STK32B: variants seen among roughly 807,000 people sequenced by gnomAD.
The protein encoded by STK32B is serine/threonine-protein kinase 32B.
Under a neutral mutation model 52.6 loss-of-function variants are expected in STK32B, and 43 were observed. The observed-to-expected ratio is 0.82, with a 90% confidence interval of 0.64 to 1.05. The LOEUF (loss-of-function observed/expected upper bound fraction) is 1.05, where lower values mean the gene tolerates loss of function less well. Ranked by LOEUF, STK32B falls within the 50% of genes least tolerant of loss-of-function variation. STK32B has a pLI of 0.00. For missense variants in STK32B, 621 were observed against 534.6 expected, an observed-to-expected ratio of 1.16 and a Z score of -1.59; for synonymous variants, 238 against 204.3, an observed-to-expected ratio of 1.17 and a Z score of -1.41.
intron 3 of STK32B, among the ~76,000 whole-genome samples, chr4:5,276,504 T>C (rs945488164): frequency 6.6e-6 from 1 of 152,246 alleles, no homozygotes; most frequent in Non-Finnish European, 1.5e-5. Flanking sequence ...GTGTCTCTTA[T>C]GTCAAATCCT....
rs1736291036 is a variant in STK32B at position 5,386,907 on chromosome 4, G to A, written c.435-11300G>A. 6.6e-6 allele frequency among the ~76,000 whole-genome samples: 1 copy of A among 152,218 alleles called. No individual in the cohort carries two copies. Among genetic ancestry groups the A allele is most frequent in the Admixed American group, 6.5e-5 (1 of 15,286 alleles). On this transcript the variant is annotated intron_variant, in intron 4 of 11. Coordinates refer to ENST00000282908, the MANE Select transcript of STK32B (RefSeq NM_018401.3). This position sits in a 1 kb window ranked among gnomAD's most constrained non-coding sequence, Gnocchi z 4.5. The stretch of plus-strand genomic sequence containing the variant: ...TCAGAAAGCTGGATGAGGAACATGA[G>A]GCCGTGGCCTGAGCGTCTTCACAGA...
intron 5 of STK32B, among the ~76,000 whole-genome samples, chr4:5,415,495 C>T (rs195103): frequency 0.81 from 123,380 of 152,186 alleles, 50,264 homozygotes; most frequent in Middle Eastern, 0.9. Flanking sequence ...ACATACTCAT[C>T]GCAGCCACAG....
At chr4:5,234,195 G>A (rs1033788620) in intron 3 of STK32B, among the ~76,000 whole-genome samples, 3 of 152,114 alleles carry the variant, frequency 2.0e-5, no homozygotes, top group Non-Finnish European at 2.9e-5. Context: ...ACAAGTGGCC[G>A]CTCTTTTGAA....
At position 5,264,380 on chromosome 4, in the gene STK32B, C is replaced by T. The variant is rs373848073; in HGVS notation, c.261-66840C>T. 5.9e-5 allele frequency among the ~76,000 whole-genome samples: 9 copies of T among 152,090 alleles called. No homozygotes were observed. In the East Asian group the frequency reaches 1.2e-3, roughly 20 times the overall value. On this transcript the variant is annotated intron_variant, in intron 3 of 11. Coordinates refer to ENST00000282908, the MANE Select transcript of STK32B (RefSeq NM_018401.3). ...CTTTGTGGTTTTAATTTCCTTTTCT[C>T]CAGTGACTACTGATATTGGGCACTT...
chr4:5,127,250 G>A (rs1222841993), intron 1 of STK32B: 2 of 443,702 alleles, frequency 4.5e-6, no homozygotes, highest in African/African-American at 4.0e-5. Flanking sequence ...TCGTTGTGTG[G>A]AATGGATATT....
chr4:5,129,754 T>G (rs1473869740), intron 1 of STK32B, among the ~76,000 whole-genome samples: 1 of 152,184 alleles, frequency 6.6e-6, no homozygotes, highest in East Asian at 1.9e-4. Flanking sequence ...TCAATGACTA[T>G]GGTGAGATAC....
chr4:5,303,828 C>T (rs1199542670), intron 3 of STK32B, among the ~76,000 whole-genome samples: 1 of 152,060 alleles, frequency 6.6e-6, no homozygotes, highest in East Asian at 1.9e-4. Context: ...AGATTTAAGT[C>T]TTTTATCCAT....
chr4:5,476,456 C>G (rs1293787088), intron 11 of STK32B, among the ~76,000 whole-genome samples: 1 of 152,126 alleles, frequency 6.6e-6, no homozygotes, highest in Non-Finnish European at 1.5e-5. Flanking sequence ...AATACAAACA[C>G]TGAGGTGTTC....
At chr4:5,484,525 G>C (rs7437778) in intron 11 of STK32B, among the ~76,000 whole-genome samples, 8,380 of 152,038 alleles carry the variant, frequency 0.055, 281 homozygotes, top group African/African-American at 0.097. Context: ...ACACGGATAG[G>C]TCTTGACTCT....
intron 6 of STK32B, among the ~76,000 whole-genome samples, chr4:5,419,513 CT>C (rs1712449525): frequency 1.3e-5 from 2 of 152,212 alleles, no homozygotes; most frequent in Non-Finnish European, 2.9e-5. Context: ...ACTGTACAAA[CT>C]CCTACCAGCT....
chr4:5,073,137 G>A (rs1467126107), intron 1 of STK32B, among the ~76,000 whole-genome samples: 1 of 151,690 alleles, frequency 6.6e-6, no homozygotes, highest in Non-Finnish European at 1.5e-5. Flanking sequence ...TAGAGTATTT[G>A]GTATATTTAT....
intron 6 of STK32B, among the ~76,000 whole-genome samples, chr4:5,442,140 T>C (rs1714842899): frequency 8.4e-6 from 1 of 119,288 alleles, no homozygotes; most frequent in African/African-American, 3.1e-5. Flanking sequence ...CAGAGCTGAG[T>C]TCAATTCCTG....
At chr4:5,256,517 A>C (rs1726311605) in intron 3 of STK32B, among the ~76,000 whole-genome samples, 1 of 152,150 alleles carries the variant, frequency 6.6e-6, no homozygotes, top group African/African-American at 2.4e-5. Context: ...CTGTTGAGTA[A>C]ATGAGCTATA....
At chr4:5,496,487 C>G (rs1001200262) in intron 11 of STK32B, among the ~76,000 whole-genome samples, 3 of 151,760 alleles carry the variant, frequency 2.0e-5, no homozygotes, top group South Asian at 2.1e-4. Context: ...TCACCCCTTT[C>G]TTTGACTAGG....
At chr4:5,216,379 C>G (rs1042898096) in intron 3 of STK32B, among the ~76,000 whole-genome samples, 1 of 152,096 alleles carries the variant, frequency 6.6e-6, no homozygotes, top group Admixed American at 6.6e-5. Flanking sequence ...CCTCATGGAG[C>G]GTATGGTCCA....
intron 11 of STK32B, among the ~76,000 whole-genome samples, chr4:5,478,038 C>T (rs902045598): frequency 6.6e-6 from 1 of 152,000 alleles, no homozygotes; most frequent in East Asian, 1.9e-4. Flanking sequence ...AGAATGGGGC[C>T]GTGGAAAGAA....
rs796464416 is a variant in STK32B at position 5,317,192 on chromosome 4, CATAT to C, written c.261-14021_261-14018del. On this transcript the variant is annotated intron_variant, in intron 3 of 11. Coordinates refer to ENST00000282908, the MANE Select transcript of STK32B (RefSeq NM_018401.3). The stretch of plus-strand genomic sequence containing the variant: ...TATAACATATAATATATATATATAA[CATAT>C]ATATATTATATATATAACATATATA... Among the ~76,000 whole-genome samples the C allele has an allele frequency of 3.1e-4, 12 of 38,350 alleles. 2 individuals are homozygous for C. Among genetic ancestry groups the C allele is most frequent in the Middle Eastern group, 0.028 (1 of 36 alleles). The allele number at this position is 38,350 out of a possible 152,430, so 25.2% of individuals were successfully genotyped here.
At chr4:5,315,887 T>C (rs562939851) in intron 3 of STK32B, among the ~76,000 whole-genome samples, 57 of 151,004 alleles carry the variant, frequency 3.8e-4, no homozygotes, top group African/African-American at 1.4e-3. Context: ...GTATTTTTAG[T>C]AGAGATGGGG....
chr4:5,109,985 G>A (rs948571539), intron 1 of STK32B, among the ~76,000 whole-genome samples: 3 of 150,024 alleles, frequency 2.0e-5, no homozygotes, highest in African/African-American at 4.9e-5. Context: ...CATTCATACC[G>A]AGAACCAATC....
Sources: allele counts gnomAD v4.1 joint callset (sites outside exome capture counted in the v4.1 genomes callset), GRCh38; gene constraint gnomAD v4.1.1; non-coding constraint Gnocchi (gnomAD v3.1); transcripts MANE v1.5; gene names NCBI Gene and HGNC (gene_info 2026-07-23, HGNC 2026-07-21).